NLGN1: variants seen among roughly 807,000 people sequenced by gnomAD.
NLGN1 encodes the protein neuroligin 1.
Under a neutral mutation model 65.5 loss-of-function variants are expected in NLGN1, and 12 were observed. That is an observed-to-expected ratio of 0.18 (90% CI 0.12 to 0.30). NLGN1 has a LOEUF of 0.30. Ranked by LOEUF, NLGN1 falls within the 10% of genes least tolerant of loss-of-function variation. The pLI, the probability that NLGN1 is intolerant of heterozygous loss-of-function variation, is 1.00. For synonymous variants in NLGN1, 350 were observed against 359.5 expected, an observed-to-expected ratio of 0.97 and a Z score of 0.30; for missense variants, 750 against 1,007.1, an observed-to-expected ratio of 0.74 and a Z score of 3.46.
chr3:174,154,388 TC>T (rs1724946880), intron 4 of NLGN1, among the ~76,000 whole-genome samples: 1 of 152,204 alleles, frequency 6.6e-6, no homozygotes, highest in Middle Eastern at 3.4e-3. Context: ...AATCTAGGGC[TC>T]CCTGTTCTCA....
intron 4 of NLGN1, among the ~76,000 whole-genome samples, chr3:174,152,489 C>T (rs1169238478): frequency 6.6e-6 from 1 of 151,776 alleles, no homozygotes; most frequent in African/African-American, 2.4e-5. Flanking sequence ...CACACCAGGG[C>T]GTGTTGTGGG....
At chr3:174,256,626 G>A (rs1414530147) in intron 4 of NLGN1, among the ~76,000 whole-genome samples, 1 of 152,012 alleles carries the variant, frequency 6.6e-6, no homozygotes, top group African/African-American at 2.4e-5. Context: ...GTTCTAGATT[G>A]TGGTTTTACC....
chr3:173,531,590 C>CACACACACAT (rs760049826), intron 2 of NLGN1, among the ~76,000 whole-genome samples: 2 of 151,662 alleles, frequency 1.3e-5, no homozygotes, highest in Non-Finnish European at 1.5e-5. Context: ...CACACACACA[C>CACACACACAT]TTCTATGGAA....
At chr3:173,679,767 C>T (rs891707784) in intron 3 of NLGN1, among the ~76,000 whole-genome samples, 1 of 152,056 alleles carries the variant, frequency 6.6e-6, no homozygotes, top group Admixed American at 6.6e-5. Flanking sequence ...GGAGTCTGAT[C>T]TTAGTAATCC....
intron 4 of NLGN1, among the ~76,000 whole-genome samples, chr3:173,920,325 A>G (rs887976243): frequency 6.6e-6 from 1 of 152,128 alleles, no homozygotes; most frequent in Non-Finnish European, 1.5e-5. Context: ...ACAAATGTAA[A>G]CGTTATATTG....
At chr3:174,204,738 A>G (rs1735092055) in intron 4 of NLGN1, among the ~76,000 whole-genome samples, 1 of 152,238 alleles carries the variant, frequency 6.6e-6, no homozygotes, top group South Asian at 2.1e-4. Context: ...GTTAACACGG[A>G]TACTCTTTCA....
At chr3:173,728,090 A>G (rs1018688952) in intron 3 of NLGN1, among the ~76,000 whole-genome samples, 1 of 152,132 alleles carries the variant, frequency 6.6e-6, no homozygotes, top group Non-Finnish European at 1.5e-5. Flanking sequence ...TATGGTGGGA[A>G]AGTCTAGAGG....
At position 174,165,049 on chromosome 3, in the gene NLGN1, G is replaced by A. The variant is rs181000809; in HGVS notation, c.647-110266G>A. ...ATTGTAGAGATCTTTAGCCTCTTTG[G>A]TTAGATGTATTCCTAGGTATTTTTT... On this transcript the variant is annotated intron_variant, in intron 4 of 6. Transcript: ENST00000457714. Among the ~76,000 whole-genome samples the A allele has an allele frequency of 7.1e-3, 1,074 of 152,078 alleles. 8 individuals carry two copies. Among genetic ancestry groups the A allele is most frequent in the Non-Finnish European group, 0.01 (704 of 67,932 alleles).
intron 3 of NLGN1, among the ~76,000 whole-genome samples, chr3:173,620,926 A>G (rs1394745166): frequency 3.3e-5 from 5 of 152,304 alleles, no homozygotes; most frequent in South Asian, 2.1e-4. Flanking sequence ...TGCATAATCT[A>G]TGCAGATTTG....
At chr3:173,660,403 C>A (rs1760764654) in intron 3 of NLGN1, among the ~76,000 whole-genome samples, 1 of 151,120 alleles carries the variant, frequency 6.6e-6, no homozygotes, top group African/African-American at 2.4e-5. Flanking sequence ...GAAGTCAATT[C>A]ATTACATTTT....
Position 173,989,909 on chromosome 3 carries a change from A to T in NLGN1, c.646+182077A>T, listed in dbSNP as rs114923418. ...CTTATCAGAGCCATTTTTGCACTCA[A>T]GCTCTTCCTTCCCAGTTTACTTCTC... is the stretch of plus-strand genomic sequence containing the variant. On this transcript the variant is annotated intron_variant, in intron 4 of 6. Coordinates refer to ENST00000457714, the Ensembl canonical transcript of NLGN1. Among the ~76,000 whole-genome samples the T allele has an allele frequency of 2.4e-3, 371 of 152,166 alleles. 2 individuals carry two copies. The highest frequency in any genetic ancestry group is 8.5e-3 in the African/African-American group (352 of 41,536).
intron 4 of NLGN1, among the ~76,000 whole-genome samples, chr3:173,908,919 T>C (rs544089944): frequency 6.6e-6 from 1 of 152,284 alleles, no homozygotes; most frequent in East Asian, 1.9e-4. Context: ...TATTAATTTA[T>C]CTAAAGATTG....
chr3:174,236,256 A>T (rs536957782), intron 4 of NLGN1, among the ~76,000 whole-genome samples: 1 of 152,158 alleles, frequency 6.6e-6, no homozygotes, highest in Non-Finnish European at 1.5e-5. Context: ...CGAACCTATT[A>T]TCCAAAAAAC....
chr3:173,803,524 CTTAA>C (rs1392297044), intron 3 of NLGN1, among the ~76,000 whole-genome samples: 1 of 152,068 alleles, frequency 6.6e-6, no homozygotes, highest in East Asian at 1.9e-4. Flanking sequence ...ATGAGAATTG[CTTAA>C]ATCTGGGAGG....
At chr3:173,823,055 G>A (rs1022174159) in intron 4 of NLGN1, among the ~76,000 whole-genome samples, 1 of 151,874 alleles carries the variant, frequency 6.6e-6, no homozygotes, top group Admixed American at 6.6e-5. Context: ...AGATGTCAGT[G>A]GAAATTCCTA....
intron 2 of NLGN1, among the ~76,000 whole-genome samples, chr3:173,535,810 G>C (rs1047992295): frequency 2.1e-4 from 32 of 152,136 alleles, no homozygotes; most frequent in African/African-American, 7.7e-4. Flanking sequence ...AAGATCAAAT[G>C]GTCATAGTAT....
At chr3:173,961,904 A>G (rs909367022) in intron 4 of NLGN1, among the ~76,000 whole-genome samples, 4 of 151,880 alleles carry the variant, frequency 2.6e-5, no homozygotes. Flanking sequence ...CACAAAAATA[A>G]CTCTGGACTA....
At chr3:173,447,969 G>T (rs1423643824) in intron 2 of NLGN1, among the ~76,000 whole-genome samples, 1 of 152,124 alleles carries the variant, frequency 6.6e-6, no homozygotes, top group Non-Finnish European at 1.5e-5. Context: ...GGGCTGAGAC[G>T]ATGGGGTTTT....
intron 3 of NLGN1, among the ~76,000 whole-genome samples, chr3:173,702,939 A>T (rs1321009811): frequency 6.6e-6 from 1 of 152,236 alleles, no homozygotes; most frequent in Non-Finnish European, 1.5e-5. Flanking sequence ...CACAAAGACT[A>T]TAAAACATTT....
Sources: gnomAD v4.1 joint callset for allele counts (sites outside exome capture counted in the v4.1 genomes callset) on GRCh38, gnomAD v4.1.1 for gene constraint, MANE v1.5 for transcripts, NCBI Gene and HGNC (gene_info 2026-07-23, HGNC 2026-07-21) for gene names.